The following NTM variants were observed in gnomAD, a reference collection of about 807,000 sequenced individuals.
The protein encoded by NTM is neurotrimin.
In NTM, 13 loss-of-function variants were observed where a neutral mutation model predicts 42.1. The ratio of observed to expected loss-of-function variants is 0.31; its 90% confidence interval spans 0.20 to 0.49. The LOEUF (loss-of-function observed/expected upper bound fraction) is 0.49. Among genes scored for constraint, NTM ranks in the 20% least tolerant of loss-of-function variants. The pLI, the probability that NTM is intolerant of heterozygous loss-of-function variation, is 0.99. For missense variants in NTM, 373 were observed against 452.8 expected (o/e 0.82, Z 1.60); for synonymous variants, 187 against 179.2 (o/e 1.04, Z -0.35).
intron 1 of NTM, among the ~76,000 whole-genome samples, chr11:131,842,824 A>G (rs548185922): frequency 1.3e-5 from 2 of 152,202 alleles, no homozygotes; most frequent in South Asian, 4.2e-4. Context: ...CAGCCTGGCC[A>G]ACATGGTGAA....
intron 1 of NTM, among the ~76,000 whole-genome samples, chr11:131,851,390 G>A (rs528140919): frequency 8.5e-5 from 13 of 152,102 alleles, no homozygotes; most frequent in African/African-American, 1.4e-4. Flanking sequence ...CAGCCCTCCC[G>A]CTAATAGAAA....
At chr11:131,406,782 A>T (rs1228487951) in intron 1 of NTM, among the ~76,000 whole-genome samples, 1 of 152,156 alleles carries the variant, frequency 6.6e-6, no homozygotes, top group Non-Finnish European at 1.5e-5. Context: ...TGAAATGTGG[A>T]TAAGGGAGAA....
intron 2 of NTM, among the ~76,000 whole-genome samples, chr11:132,028,177 A>G (rs2075434951): frequency 6.7e-6 from 1 of 149,486 alleles, no homozygotes; most frequent in Non-Finnish European, 1.5e-5. Context: ...TAAATCCTCA[A>G]TCTGATAATT....
At chr11:132,136,019 AT>A (rs1468200144) in intron 2 of NTM, among the ~76,000 whole-genome samples, 6 of 151,800 alleles carry the variant, frequency 4.0e-5, no homozygotes, top group Admixed American at 3.9e-4. Context: ...AATTACTCAC[AT>A]TTTCTTGTTT....
intron 1 of NTM, among the ~76,000 whole-genome samples, chr11:131,725,334 G>A (rs1270521761): frequency 6.6e-6 from 1 of 152,158 alleles, no homozygotes; most frequent in Non-Finnish European, 1.5e-5. Context: ...AGTGAGACAG[G>A]CAATATACAA....
At chr11:131,820,385 G>A (rs997364409) in intron 1 of NTM, among the ~76,000 whole-genome samples, 2 of 152,168 alleles carry the variant, frequency 1.3e-5, no homozygotes, top group African/African-American at 4.8e-5. Context: ...TTGGAATCAC[G>A]CATTCCCATA....
chr11:132,234,456 G>GT (rs2088343561), intron 4 of NTM, among the ~76,000 whole-genome samples: 1 of 152,072 alleles, frequency 6.6e-6, no homozygotes, highest in Non-Finnish European at 1.5e-5. Flanking sequence ...CTCTCTCCCT[G>GT]TTTTCTGTCT....
intron 1 of NTM, among the ~76,000 whole-genome samples, chr11:131,444,203 C>CAAAAAAAAAAAAAAA (rs71475757): frequency 1.2e-4 from 6 of 49,516 alleles, no homozygotes; most frequent in Non-Finnish European, 1.8e-4. Context: ...AGGTTAGAAC[C>CAAAAAAAAAAAAAAA]AAAAAAAAAA....
chr11:131,419,996 G>C (rs968724864), intron 1 of NTM, among the ~76,000 whole-genome samples: 37 of 152,164 alleles, frequency 2.4e-4, no homozygotes, highest in African/African-American at 8.9e-4. Flanking sequence ...TTGGGAGTCA[G>C]GTGATCAGCA....
At chr11:131,641,762 C>T (rs2065164103) in intron 1 of NTM, among the ~76,000 whole-genome samples, 1 of 146,420 alleles carries the variant, frequency 6.8e-6, no homozygotes, top group Non-Finnish European at 1.5e-5. Flanking sequence ...GAGTCTCCCT[C>T]TGTTCCCAGG....
chr11:131,973,241 G>A (rs1434115832), intron 2 of NTM, among the ~76,000 whole-genome samples: 1 of 152,170 alleles, frequency 6.6e-6, no homozygotes, highest in Non-Finnish European at 1.5e-5. Flanking sequence ...TGTGCATCCA[G>A]TTCTTCCAAT....
At chr11:131,482,293 C>G (rs533204084) in intron 1 of NTM, among the ~76,000 whole-genome samples, 3 of 152,218 alleles carry the variant, frequency 2.0e-5, no homozygotes, top group South Asian at 2.1e-4. Context: ...TGATTCCCCC[C>G]ACCCATCACA....
intron 1 of NTM, among the ~76,000 whole-genome samples, chr11:131,521,216 G>A (rs1243683319): frequency 6.6e-6 from 1 of 151,294 alleles, no homozygotes; most frequent in Non-Finnish European, 1.5e-5. Context: ...TTGGGAGGCT[G>A]AGGCAGAAGA....
At chr11:132,239,079 G>C (rs1391964957) in intron 4 of NTM, among the ~76,000 whole-genome samples, 2 of 152,206 alleles carry the variant, frequency 1.3e-5, no homozygotes, top group Non-Finnish European at 2.9e-5. Context: ...AAACTTCTCA[G>C]AAAGAATATC....
chr11:131,544,699 A>G (rs926160646), intron 1 of NTM, among the ~76,000 whole-genome samples: 1 of 152,172 alleles, frequency 6.6e-6, no homozygotes, highest in African/African-American at 2.4e-5. Flanking sequence ...TCAGATATGA[A>G]CCTAAAGTTG....
chr11:132,141,311 C>T (rs1188452447), intron 2 of NTM, among the ~76,000 whole-genome samples: 3 of 151,868 alleles, frequency 2.0e-5, no homozygotes, highest in African/African-American at 7.3e-5. Flanking sequence ...CATCCTAAAT[C>T]CAAAAGTAGC....
chr11:132,164,736 T>G (rs957325036), intron 3 of NTM, among the ~76,000 whole-genome samples: 1 of 152,172 alleles, frequency 6.6e-6, no homozygotes, highest in Non-Finnish European at 1.5e-5. Context: ...AAGACAGATG[T>G]GAAGACATTC....
rs149128153 is a variant in NTM, at chr11:131,738,912, C to T, written c.83-172652C>T. ...CAACCTGGGTGGTGTGAACAACTCC[C>T]GTCAAATGAGTCAAAGCCCCAGAAT... On this transcript the variant is annotated intron_variant, in intron 1 of 8. Transcript: ENST00000683400. Among the ~76,000 whole-genome samples the T allele has an allele frequency of 2.8e-4, 43 of 152,260 alleles. No homozygotes were observed. In the South Asian group the frequency reaches 5.4e-3, roughly 19 times the overall value.
chr11:131,621,738 C>T (rs528678558), intron 1 of NTM, among the ~76,000 whole-genome samples: 1 of 146,738 alleles, frequency 6.8e-6, no homozygotes, highest in African/African-American at 2.5e-5. Flanking sequence ...GGAATGATGG[C>T]TTGAGTCTGG....
Sources: gnomAD v4.1 joint callset for allele counts (sites outside exome capture counted in the v4.1 genomes callset) on GRCh38, gnomAD v4.1.1 for gene constraint, MANE v1.5 for transcripts, NCBI Gene and HGNC (gene_info 2026-07-23, HGNC 2026-07-21) for gene names.